The following FLI1 variants were observed in gnomAD, a reference collection of about 807,000 sequenced individuals.
FLI1 encodes Fli-1 proto-oncogene, ETS transcription factor, also known as Friend leukemia integration 1 transcription factor.
FLI1 carries 13 observed loss-of-function variants against 53.1 expected under a neutral mutation model. The observed-to-expected ratio is 0.24, with a 90% CI of 0.16 to 0.39. The LOEUF is 0.39. Ranked by LOEUF, FLI1 falls within the 10% of genes least tolerant of loss-of-function variation. FLI1 has a pLI of 1.00. For missense variants in FLI1, 424 were observed against 600.5 expected, an observed-to-expected ratio of 0.71 and a Z score of 3.07; for synonymous variants, 244 against 236.7, an observed-to-expected ratio of 1.03 and a Z score of -0.28.
At chr11:128,747,970 C>T (rs1940473410) in intron 1 of FLI1, among the ~76,000 whole-genome samples, 5 of 152,046 alleles carry the variant, frequency 3.3e-5, no homozygotes, top group Admixed American at 2.0e-4. Context: ...TTAGAGATGC[C>T]CTTTAAATGT....
At chr11:128,725,601 T>C (rs1939438529) in intron 1 of FLI1, among the ~76,000 whole-genome samples, 1 of 152,148 alleles carries the variant, frequency 6.6e-6, no homozygotes, top group Admixed American at 6.5e-5. Flanking sequence ...ATGTAATAAA[T>C]GATTTCTAAA....
chr11:128,798,009 G>A (rs1439141246), intron 5 of FLI1, among the ~76,000 whole-genome samples: 1 of 151,866 alleles, frequency 6.6e-6, no homozygotes, highest in Non-Finnish European at 1.5e-5. Flanking sequence ...AGGAGAAGAA[G>A]GGCAACCTCG....
At chr11:128,807,998 G>A (rs571823930) in intron 7 of FLI1, among the ~76,000 whole-genome samples, 1 of 152,244 alleles carries the variant, frequency 6.6e-6, no homozygotes, top group Admixed American at 6.5e-5. Flanking sequence ...CATTTGCTTT[G>A]GGGTAGGCAA....
chr11:128,747,307 C>A (rs554850580), intron 1 of FLI1, among the ~76,000 whole-genome samples: 2 of 152,170 alleles, frequency 1.3e-5, no homozygotes, highest in African/African-American at 2.4e-5. Flanking sequence ...TTTTTCATGA[C>A]GGGTACAGCC....
upstream of FLI1, among the ~76,000 whole-genome samples, chr11:128,685,141 A>T (rs1004455874): frequency 6.6e-6 from 1 of 152,246 alleles, no homozygotes; most frequent in East Asian, 1.9e-4. Context: ...CAGTGCACGC[A>T]TAGCTCCTGC....
chr11:128,702,552 T>C (rs1171502890), intron 1 of FLI1, among the ~76,000 whole-genome samples: 1 of 152,226 alleles, frequency 6.6e-6, no homozygotes, highest in Non-Finnish European at 1.5e-5. Flanking sequence ...TTCTCAGCTT[T>C]AGTTCCTCTA....
At chr11:128,711,993 G>A (rs1317745593) in intron 1 of FLI1, among the ~76,000 whole-genome samples, 1 of 152,112 alleles carries the variant, frequency 6.6e-6, no homozygotes, top group Non-Finnish European at 1.5e-5. Context: ...TCTCCAATGA[G>A]TATTCCCTAG....
intron 1 of FLI1, among the ~76,000 whole-genome samples, chr11:128,707,569 G>C (rs1335944616): frequency 1.3e-5 from 2 of 152,164 alleles, no homozygotes; most frequent in Non-Finnish European, 2.9e-5. Context: ...GGGCTTCTAA[G>C]CCATTCCTTT....
intron 1 of FLI1, among the ~76,000 whole-genome samples, chr11:128,741,287 G>C (rs950258682): frequency 2.0e-5 from 3 of 152,184 alleles, no homozygotes; most frequent in African/African-American, 7.2e-5. Flanking sequence ...CATCTACTCG[G>C]GAGGCTGAGG....
chr11:128,727,125 T>C (rs1939518973), intron 1 of FLI1, among the ~76,000 whole-genome samples: 1 of 152,144 alleles, frequency 6.6e-6, no homozygotes, highest in African/African-American at 2.4e-5. Flanking sequence ...GTTGAAAGAA[T>C]GTAGATTTTG....
chr11:128,685,496 G>A (rs774132321), upstream of FLI1, among the ~76,000 whole-genome samples: 13 of 151,948 alleles, frequency 8.6e-5, no homozygotes, highest in Admixed American at 3.3e-4. Context: ...TCCTTTCTCC[G>A]GCTTTCTTTT....
chr11:128,809,602 A>AT (rs1367134460), intron 8 of FLI1, among the ~76,000 whole-genome samples: 8 of 152,248 alleles, frequency 5.3e-5, no homozygotes, highest in Admixed American at 2.6e-4. Flanking sequence ...TTTATTTGTG[A>AT]TTTTAGAAAG....
At chr11:128,714,049 T>C (rs528194052) in intron 1 of FLI1, among the ~76,000 whole-genome samples, 1 of 152,266 alleles carries the variant, frequency 6.6e-6, no homozygotes, top group East Asian at 1.9e-4. Context: ...TTTTACTGAG[T>C]GCATAGAGTA....
intron 5 of FLI1, among the ~76,000 whole-genome samples, chr11:128,784,857 CTG>C (rs34412702): frequency 3.3e-4 from 50 of 150,520 alleles, no homozygotes; most frequent in East Asian, 9.7e-4. Flanking sequence ...AGCACCAGAG[CTG>C]TGTGTGTGTG....
chr11:128,720,761 C>T (rs1033833808), intron 1 of FLI1, among the ~76,000 whole-genome samples: 1 of 152,226 alleles, frequency 6.6e-6, no homozygotes, highest in African/African-American at 2.4e-5. Flanking sequence ...GGGCCCTGCT[C>T]AGTGACTCCC....
chr11:128,758,962 T>G lies in FLI1; in HGVS notation c.230+636T>G, dbSNP rs369325347. Among the ~76,000 whole-genome samples, 19 of 152,360 alleles carry G rather than the reference T, an allele frequency of 1.2e-4. No individual in the cohort carries two copies. The East Asian group carries it at 1.9e-3, about 15-fold the overall frequency. On this transcript the variant is annotated intron_variant, in intron 2 of 8. Transcript: ENST00000527786. The stretch of plus-strand genomic sequence containing the variant: ...GACAGGCGGCCTCAGTTTTGCGTCC[T>G]GCCTCTGCCCCTTGGGCAAGTCATC...
intron 4 of FLI1, among the ~76,000 whole-genome samples, chr11:128,781,132 G>T (rs1941902025): frequency 6.6e-6 from 1 of 152,224 alleles, no homozygotes; most frequent in Non-Finnish European, 1.5e-5. Flanking sequence ...AGCATTCTGA[G>T]ATTACAGAAA....
At position 128,761,371 on chromosome 11, in the gene FLI1, C is replaced by T. The variant is rs184154712; in HGVS notation, c.230+3045C>T. On this transcript the variant is annotated intron_variant, in intron 2 of 8. Transcript: ENST00000527786. Reference sequence around the variant, plus strand: ...TCTTTACCCTGCTTAGAGTGTCTGTCCTAGTTCTTATCACCTCCCTCACTG... The same window carrying T: ...TCTTTACCCTGCTTAGAGTGTCTGTTCTAGTTCTTATCACCTCCCTCACTG... 2.1e-4 allele frequency among the ~76,000 whole-genome samples: 32 copies of T among 152,308 alleles called. 1 individual carries two copies. In the East Asian group the frequency reaches 5.8e-3, roughly 28 times the overall value.
At chr11:128,735,549 T>C (rs1474124985) in intron 1 of FLI1, among the ~76,000 whole-genome samples, 1 of 152,256 alleles carries the variant, frequency 6.6e-6, no homozygotes, top group Non-Finnish European at 1.5e-5. Flanking sequence ...TGTGACTGTA[T>C]GTTTGGTATA....
Sources: allele counts gnomAD v4.1 joint callset (sites outside exome capture counted in the v4.1 genomes callset), GRCh38; gene constraint gnomAD v4.1.1; transcripts MANE v1.5; gene names NCBI Gene and HGNC (gene_info 2026-07-23, HGNC 2026-07-21).